BCR: variants seen among roughly 807,000 people sequenced by gnomAD.
BCR encodes the protein BCR activator of RhoGEF and GTPase.
BCR carries 58 observed loss-of-function variants against 138.6 expected under a neutral mutation model. That is an observed-to-expected ratio of 0.42 (90% CI 0.34 to 0.52). The LOEUF (loss-of-function observed/expected upper bound fraction) is 0.52. Among genes scored for constraint, BCR ranks in the 20% least tolerant of loss-of-function variants. The pLI is 0.06. For synonymous variants in BCR, 786 were observed against 730.1 expected, an observed-to-expected ratio of 1.08 and a Z score of -1.23; for missense variants, 1,599 against 1,727.2, an observed-to-expected ratio of 0.93 and a Z score of 1.32.
chr22:23,201,496 T>C (rs1298924828), intron 1 of BCR, among the ~76,000 whole-genome samples: 2 of 152,080 alleles, frequency 1.3e-5, no homozygotes, highest in East Asian at 1.9e-4. Flanking sequence ...CTTGCTCTGT[T>C]CCCCAGGCTG....
chr22:23,234,732 G>A lies in BCR; in HGVS notation c.1280-19067G>A, dbSNP rs979000673. 8.4e-5 allele frequency among the ~76,000 whole-genome samples: 9 copies of A among 106,838 alleles called. 3 individuals are homozygous for A. The South Asian group carries it at 1.7e-3, about 20-fold the overall frequency. The allele number at this position is 106,838 out of a possible 152,430, so 70.1% of individuals were successfully genotyped here. ...GGACCCAGGCTGATCAGGTCGCAGCGAGCATGAGGGGACTGTGCGAAGCCA... is the reference window on the plus strand; with the variant it reads ...GGACCCAGGCTGATCAGGTCGCAGCAAGCATGAGGGGACTGTGCGAAGCCA... On this transcript the variant is annotated intron_variant, in intron 1 of 22. Transcript: ENST00000305877.
rs1601981524 is a variant in BCR, at chr22:23,181,704, C to T, written c.744C>T (p.Asp248=). Residue 248 remains aspartate (D), a synonymous_variant, in exon 1 of 23, where the codon GAC becomes GAT. Coordinates refer to ENST00000305877, the MANE Select transcript of BCR (RefSeq NM_004327.4). ...SSCGVDGDYE[D]AELNPRFLKD... is the part of the protein sequence containing the mutation. Reference sequence around the variant, plus strand: ...GCGGCGTCGACGGCGACTACGAGGACGCCGAGTTGAACCCCCGCTTCCTGA... The same window carrying T: ...GCGGCGTCGACGGCGACTACGAGGATGCCGAGTTGAACCCCCGCTTCCTGA... The T allele has an allele frequency of 2.5e-6, 4 of 1,604,424 alleles. No individual in the cohort carries two copies. Among genetic ancestry groups the T allele is most frequent in the Non-Finnish European group, 3.4e-6 (4 of 1,179,926 alleles).
rs114439506 is a variant in BCR, at chr22:23,301,169, G to A, written c.3012+6014G>A. Among the ~76,000 whole-genome samples the A allele has an allele frequency of 6.5e-3, 993 of 152,358 alleles. 7 individuals carry two copies. Among genetic ancestry groups the A allele is most frequent in the African/African-American group, 0.023 (940 of 41,584 alleles). On this transcript the variant is annotated intron_variant, in intron 16 of 22. Coordinates refer to ENST00000305877, the MANE Select transcript of BCR (RefSeq NM_004327.4). The stretch of plus-strand genomic sequence containing the variant: ...AAACACAAAAAAATTAGCCAGGCGC[G>A]ATGGCGCATGCCTGTAGTCCCAGCT...
rs561884288 is a variant in BCR, at chr22:23,315,635, T to C, written c.*113T>C. On this transcript the variant is annotated 3_prime_UTR_variant, in exon 23 of 23. Transcript: ENST00000305877. ...GTGTCCTTGGGCCACCCCCAAGTGT[T>C]GGGCCATCTGCCAAGAGACAGCGAC... 3.2e-5 allele frequency: 32 copies of C among 998,764 alleles called. No homozygotes were observed. Among genetic ancestry groups the C allele is most frequent in the East Asian group, 1.5e-4 (6 of 39,098 alleles). The allele number at this position is 998,764 out of a possible 1,614,324, so 61.9% of individuals were successfully genotyped here.
chr22:23,181,699 G>A lies in BCR; in HGVS notation c.739G>A (p.Glu247Lys), dbSNP rs999959683. 1 of 1,604,586 alleles carries A rather than the reference G, an allele frequency of 6.2e-7. No individual in the cohort carries two copies. The highest frequency in any genetic ancestry group is 8.5e-7 in the Non-Finnish European group (1 of 1,179,888). ...ESSCGVDGDY[E>K]DAELNPRFLK... ...CAGCTGCGGCGTCGACGGCGACTAC[G>A]AGGACGCCGAGTTGAACCCCCGCTT... The change falls in exon 1 of 23, where the codon GAG becomes AAG. Residue 247 changes from glutamate to lysine, a missense_variant. By Grantham distance (56) the Glu-to-Lys change is moderately conservative (BLOSUM62 1). Around this residue, in one of 4 missense-constraint regions of BCR, gnomAD observed 806 missense variants for 635.0 expected, o/e 1.27. Transcript: ENST00000305877.
At chr22:23,206,776 C>T (rs1205005565) in intron 1 of BCR, among the ~76,000 whole-genome samples, 1 of 152,078 alleles carries the variant, frequency 6.6e-6, no homozygotes, top group Non-Finnish European at 1.5e-5. Context: ...ATCATTCATC[C>T]AAGCCATCCA....
rs563634164 is a variant in BCR at position 23,307,947 on chromosome 22, C to T, written c.3013-1477C>T. Among the ~76,000 whole-genome samples, 308 of 134,726 alleles carry T rather than the reference C, an allele frequency of 2.3e-3. 5 individuals are homozygous for T. Among genetic ancestry groups the T allele is most frequent in the African/African-American group, 8.2e-3 (283 of 34,686 alleles). The allele number at this position is 134,726 out of a possible 152,430, so 88.4% of individuals were successfully genotyped here. ...TGCAGAAGGCCCAGGTGGCTGTAGCCGCTAGGGTCCCTTGCAGTGGAAATG... is the reference window on the plus strand; with the variant it reads ...TGCAGAAGGCCCAGGTGGCTGTAGCTGCTAGGGTCCCTTGCAGTGGAAATG... On this transcript the variant is annotated intron_variant, in intron 16 of 22. Transcript: ENST00000305877.
chr22:23,208,964 T>C (rs7290260), intron 1 of BCR, among the ~76,000 whole-genome samples: 10,349 of 152,312 alleles, frequency 0.068, 1,178 homozygotes, highest in African/African-American at 0.23. Flanking sequence ...ATCGAGGTAC[T>C]TCATATGAGT....
rs745761932 is a variant in BCR at position 23,287,145 on chromosome 22, G to C, written c.2407-14G>C. ...GCTGGAATGGGAAGGTGAGGCTGTGGCATCTCCCCACAGAGGGCGAACAAG... is the reference window on the plus strand; with the variant it reads ...GCTGGAATGGGAAGGTGAGGCTGTGCCATCTCCCCACAGAGGGCGAACAAG... On this transcript the variant is annotated splice_polypyrimidine_tract_variant and intron_variant, in intron 10 of 22. Coordinates refer to ENST00000305877, the MANE Select transcript of BCR (RefSeq NM_004327.4). The C allele has an allele frequency of 6.4e-7, 1 of 1,574,618 alleles. No individual in the cohort carries two copies.
chr22:23,261,663 C>G (rs1372835212), intron 4 of BCR, 123 bp downstream of exon 4: 6 of 1,028,450 alleles, frequency 5.8e-6, no homozygotes, highest in African/African-American at 3.3e-5. Flanking sequence ...AACTCCTAAC[C>G]TCAAGTGATC....
Position 23,230,683 on chromosome 22 carries a change from C to T in BCR, c.1280-23116C>T, listed in dbSNP as rs143431661. ...ATGGTCTTTGCAGGGTAGGCATGGCCATCTGCATGTTCACTGAAGGGCCTG... is the reference window on the plus strand; with the variant it reads ...ATGGTCTTTGCAGGGTAGGCATGGCTATCTGCATGTTCACTGAAGGGCCTG... On this transcript the variant is annotated intron_variant, in intron 1 of 22. Coordinates refer to ENST00000305877, the MANE Select transcript of BCR (RefSeq NM_004327.4). Among the ~76,000 whole-genome samples the T allele has an allele frequency of 3.9e-5, 6 of 152,298 alleles. No individual in the cohort carries two copies. In the East Asian group the frequency reaches 1.2e-3, roughly 29 times the overall value.
rs370103167 is a variant in BCR, at chr22:23,309,466, G to A, written c.3055G>A (p.Val1019Ile). Residue 1019 changes from valine (V) to isoleucine (I), a missense_variant, in exon 17 of 23, where the codon GTC becomes ATC. Coordinates refer to ENST00000305877, the MANE Select transcript of BCR (RefSeq NM_004327.4). ...ALQDRDWQRT[V>I]IAMNGIEVKL... ...GCAGGACAGAGACTGGCAGCGCACCGTCATCGCCATGAATGGGGTACGTGT... is the reference window on the plus strand; with the variant it reads ...GCAGGACAGAGACTGGCAGCGCACCATCATCGCCATGAATGGGGTACGTGT... 3.9e-5 allele frequency: 62 copies of A among 1,603,114 alleles called. No homozygotes were observed. The highest frequency in any genetic ancestry group is 1.7e-4 in the South Asian group (15 of 89,150).
chr22:23,309,352 T>C, intron 16 of BCR, 72 bp from the exon 17 acceptor site: 1 of 1,139,924 alleles, frequency 8.8e-7, no homozygotes, highest in South Asian at 1.5e-5. Context: ...AAGTGGCGGG[T>C]GTGGGCTGCT....
Position 23,261,477 on chromosome 22 carries a change from GCTCTTC to G in BCR, c.1691_1696del (p.Leu564_Phe565del), listed in dbSNP as rs770377264. The G allele has an allele frequency of 1.1e-5, 17 of 1,613,682 alleles. No homozygotes were observed. Among genetic ancestry groups the G allele is most frequent in the Non-Finnish European group, 1.4e-5 (17 of 1,180,006 alleles). On this transcript the variant is annotated inframe_deletion, in exon 4 of 23. Transcript: ENST00000305877. ...AGATCCACAAGGAGTTCTATGATGG[GCTCTTC>G]CCCCGCGTGCAGCAGTGGAGCCACC...
intron 1 of BCR, among the ~76,000 whole-genome samples, chr22:23,238,638 G>C (rs2073052497): frequency 6.6e-6 from 1 of 152,090 alleles, no homozygotes; most frequent in African/African-American, 2.4e-5. Flanking sequence ...GCCCGTACCT[G>C]TTGCCATTTC....
At chr22:23,253,761 C>G in intron 1 of BCR, 38 bp from the exon 2 acceptor site, 6 of 1,579,122 alleles carry the variant, frequency 3.8e-6, no homozygotes, top group African/African-American at 1.3e-5. Context: ...ATGCTCCCTT[C>G]TCTGTCTCTA....
intron 1 of BCR, among the ~76,000 whole-genome samples, chr22:23,199,944 C>T (rs528200420): frequency 7.9e-5 from 12 of 152,022 alleles, no homozygotes; most frequent in East Asian, 3.9e-4. Flanking sequence ...AAAAATTAGC[C>T]GGGCGTGGTG....
At chr22:23,295,708 G>A (rs1332345661) in intron 16 of BCR, among the ~76,000 whole-genome samples, 1 of 152,086 alleles carries the variant, frequency 6.6e-6, no homozygotes, top group East Asian at 1.9e-4. Context: ...GTCCATACAG[G>A]ACCAGCAAGG....
At chr22:23,308,150 A>G (rs2073969096) in intron 16 of BCR, among the ~76,000 whole-genome samples, 1 of 151,470 alleles carries the variant, frequency 6.6e-6, no homozygotes, top group Non-Finnish European at 1.5e-5. Context: ...TGGAAACACA[A>G]GGCCAGATGC....
Sources: gnomAD v4.1 joint callset for allele counts (sites outside exome capture counted in the v4.1 genomes callset) on GRCh38, gnomAD v4.1.1 for gene constraint, gnomAD v4.1.1 regional missense constraint, MANE v1.5 for transcripts, NCBI Gene and HGNC (gene_info 2026-07-23, HGNC 2026-07-21) for gene names.